The following STX18 variants were observed in gnomAD, a reference collection of about 807,000 sequenced individuals.
STX18 encodes the protein syntaxin 18, also known as syntaxin-18.
Under a neutral mutation model 50.1 loss-of-function variants are expected in STX18, and 40 were observed. That is an observed-to-expected ratio of 0.80 (90% CI 0.62 to 1.04). The LOEUF (loss-of-function observed/expected upper bound fraction) is 1.04, where lower values mean the gene tolerates loss of function less well. Ranked by LOEUF, STX18 falls within the 50% of genes least tolerant of loss-of-function variation. The pLI, the probability that STX18 is intolerant of heterozygous loss-of-function variation, is 0.00. For missense variants in STX18, 410 were observed against 415.8 expected, an observed-to-expected ratio of 0.99 and a Z score of 0.12; for synonymous variants, 158 against 151.8, an observed-to-expected ratio of 1.04 and a Z score of -0.30.
chr4:4,518,781 T>C (rs778099263), intron 1 of STX18, among the ~76,000 whole-genome samples: 1 of 152,198 alleles, frequency 6.6e-6, no homozygotes, highest in South Asian at 2.1e-4. Flanking sequence ...AGTTCTAGCC[T>C]AGCTCTAGCT....
chr4:4,438,202 C>G (rs2108789017), intron 6 of STX18, among the ~76,000 whole-genome samples, 192 bp downstream of exon 6: 2 of 152,376 alleles, frequency 1.3e-5, no homozygotes, highest in South Asian at 4.1e-4. Context: ...GTGAATGCAC[C>G]CCCTGCCTCT....
chr4:4,522,508 G>A (rs1003355446), intron 1 of STX18, among the ~76,000 whole-genome samples: 3 of 152,216 alleles, frequency 2.0e-5, no homozygotes, highest in Non-Finnish European at 2.9e-5. Context: ...ATGGGGAGGA[G>A]TTGAGAATAT....
At chr4:4,433,534 TAAAA>T (rs10676475) in intron 7 of STX18, among the ~76,000 whole-genome samples, 4 of 111,072 alleles carry the variant, frequency 3.6e-5, no homozygotes, top group Admixed American at 1.9e-4. Context: ...AAAAATAAAT[TAAAA>T]AAAAAAAAAA....
chr4:4,531,629 G>T (rs576241473), intron 1 of STX18, among the ~76,000 whole-genome samples: 1 of 152,260 alleles, frequency 6.6e-6, no homozygotes, highest in East Asian at 1.9e-4. Context: ...CTGTCACTGA[G>T]CACACCAGGC....
chr4:4,460,196 A>G (rs1393933873), intron 2 of STX18, among the ~76,000 whole-genome samples: 1 of 152,196 alleles, frequency 6.6e-6, no homozygotes, highest in African/African-American at 2.4e-5. Context: ...CCACAAAGGC[A>G]AGGACTTCTG....
At chr4:4,463,088 T>C (rs146264811) in intron 2 of STX18, among the ~76,000 whole-genome samples, 1 of 152,376 alleles carries the variant, frequency 6.6e-6, no homozygotes, top group African/African-American at 2.4e-5. Flanking sequence ...TGCATTTGAA[T>C]CATACTGTCT....
At chr4:4,473,441 C>T (rs1179655134) in intron 1 of STX18, among the ~76,000 whole-genome samples, 1 of 151,790 alleles carries the variant, frequency 6.6e-6, no homozygotes, top group African/African-American at 2.4e-5. Context: ...TACAGGCACC[C>T]GCCACCACAC....
Position 4,420,895 on chromosome 4 carries a change from T to C in STX18, c.881A>G (p.Asn294Ser). The C allele has an allele frequency of 6.2e-7, 1 of 1,614,160 alleles. No homozygotes were observed. The highest frequency in any genetic ancestry group is 8.5e-7 in the Non-Finnish European group (1 of 1,180,022). ...IHQLVVGATE[N>S]IKEGNEDIRE... ...TATGTCTTCGTTGCCTTCCTTGATA[T>C]TTTCAGTTGCCCCCACAACTAACTG... is the stretch of plus-strand genomic sequence containing the variant. The change falls in exon 10 of 11, where the codon AAT becomes AGT. Residue 294 changes from asparagine to serine, a missense_variant. Physicochemically the swap from Asn to Ser is conservative, Grantham distance 46 (BLOSUM62 1). Transcript: ENST00000306200. This position sits in a 1 kb window ranked among gnomAD's most constrained non-coding sequence, Gnocchi z 4.3.
At chr4:4,438,776 T>C (rs13112735) in intron 5 of STX18, among the ~76,000 whole-genome samples, 45,335 of 151,826 alleles carry the variant, frequency 0.3, 8,271 homozygotes, top group African/African-American at 0.52. Context: ...AGGCTGCAGT[T>C]GGTATGTGCT....
chr4:4,457,662 T>C (rs774074177), intron 3 of STX18, among the ~76,000 whole-genome samples, 162 bp from the exon 4 acceptor site: 4 of 152,258 alleles, frequency 2.6e-5, no homozygotes, highest in Admixed American at 6.5e-5. Context: ...AACAGTAAGA[T>C]GTATCAGGCT....
intron 1 of STX18, among the ~76,000 whole-genome samples, chr4:4,506,130 T>C (rs1729695750): frequency 6.6e-6 from 1 of 152,246 alleles, no homozygotes; most frequent in Non-Finnish European, 1.5e-5. Context: ...TGAACATTTG[T>C]GTACAGGCAG....
At chr4:4,479,878 T>G (rs756628537) in intron 1 of STX18, among the ~76,000 whole-genome samples, 1 of 152,148 alleles carries the variant, frequency 6.6e-6, no homozygotes, top group Non-Finnish European at 1.5e-5. Flanking sequence ...AGCATCCCAA[T>G]AGGCAAACAG....
chr4:4,478,493 A>T (rs548015605), intron 1 of STX18, among the ~76,000 whole-genome samples: 1 of 152,334 alleles, frequency 6.6e-6, no homozygotes, highest in South Asian at 2.1e-4. Flanking sequence ...AGGATTGTTC[A>T]TTCTCCCGTT....
At chr4:4,505,280 T>C (rs1308695334) in intron 1 of STX18, among the ~76,000 whole-genome samples, 1 of 152,236 alleles carries the variant, frequency 6.6e-6, no homozygotes, top group Admixed American at 6.5e-5. Flanking sequence ...TAGCCTTGCC[T>C]ACCTTAAGTG....
chr4:4,530,716 C>T (rs892291611), intron 1 of STX18, among the ~76,000 whole-genome samples: 4 of 152,156 alleles, frequency 2.6e-5, no homozygotes, highest in African/African-American at 9.7e-5. Context: ...AGCAATCCTC[C>T]CACCTCAGCC....
At chr4:4,480,482 G>C (rs1042942121) in intron 1 of STX18, among the ~76,000 whole-genome samples, 1 of 152,100 alleles carries the variant, frequency 6.6e-6, no homozygotes, top group South Asian at 2.1e-4. Context: ...CTGCTAACTC[G>C]AGGCCAGGTT....
chr4:4,420,604 C>A lies in STX18; in HGVS notation c.912+260G>T. ...CCCTGGACATGAAGAGCTGGCCTGA[C>A]CCTGCCAGGAGTACCCCCACCCACC... On this transcript the variant is annotated intron_variant, in intron 10 of 10. Transcript: ENST00000306200. This position sits in a 1 kb window ranked among gnomAD's most constrained non-coding sequence, Gnocchi z 4.3. The A allele has an allele frequency of 2.0e-6, 1 of 506,788 alleles. No homozygotes were observed. The highest frequency in any genetic ancestry group is 3.5e-6 in the Non-Finnish European group (1 of 285,510). The allele number at this position is 506,788 out of a possible 1,614,324, so 31.4% of individuals were successfully genotyped here.
rs964214366 is a variant in STX18, at chr4:4,442,104, G to C, written c.498-3595C>G. 3.3e-5 allele frequency among the ~76,000 whole-genome samples: 5 copies of C among 152,148 alleles called. No homozygotes were observed. In the East Asian group the frequency reaches 9.6e-4, roughly 29 times the overall value. On this transcript the variant is annotated intron_variant, in intron 5 of 10. Coordinates refer to ENST00000306200, the MANE Select transcript of STX18 (RefSeq NM_016930.4). ...CCCTAAAAAACCAAGTGTGGTATTAGAGCATGAAAAGATTGACAGACCAAT... is the reference window on the plus strand; with the variant it reads ...CCCTAAAAAACCAAGTGTGGTATTACAGCATGAAAAGATTGACAGACCAAT...
At chr4:4,459,049 A>AACACACACGC (rs1338787532) in intron 3 of STX18, among the ~76,000 whole-genome samples, 9 of 121,900 alleles carry the variant, frequency 7.4e-5, no homozygotes, top group Non-Finnish European at 1.4e-4. Context: ...TGCCACACAG[A>AACACACACGC]ACACACACAC....
Sources: allele counts gnomAD v4.1 joint callset (sites outside exome capture counted in the v4.1 genomes callset), GRCh38; gene constraint gnomAD v4.1.1; non-coding constraint Gnocchi (gnomAD v3.1); transcripts MANE v1.5; gene names NCBI Gene and HGNC (gene_info 2026-07-23, HGNC 2026-07-21).